The following NEO1 variants were observed in gnomAD, a reference collection of about 807,000 sequenced individuals.
NEO1 encodes the protein neogenin 1.
In NEO1, 63 loss-of-function variants were observed where a neutral mutation model predicts 159.7. That is an observed-to-expected ratio of 0.39 (90% confidence interval 0.32 to 0.49). The LOEUF (loss-of-function observed/expected upper bound fraction) is 0.49, where lower values mean the gene tolerates loss of function less well. Among genes scored for constraint, NEO1 ranks in the 20% least tolerant of loss-of-function variants. NEO1 has a pLI of 0.85. For missense variants in NEO1, 1,615 were observed against 1,831.0 expected, an observed-to-expected ratio of 0.88 and a Z score of 2.15; for synonymous variants, 633 against 662.0, an observed-to-expected ratio of 0.96 and a Z score of 0.67.
At chr15:73,214,076 G>T (rs1278832424) in intron 7 of NEO1, among the ~76,000 whole-genome samples, 1 of 152,102 alleles carries the variant, frequency 6.6e-6, no homozygotes, top group African/African-American at 2.4e-5. Flanking sequence ...TTTGAGAATT[G>T]TCTGTTCATA....
At chr15:73,149,092 G>A (rs891942270) in intron 5 of NEO1, among the ~76,000 whole-genome samples, 3 of 151,846 alleles carry the variant, frequency 2.0e-5, no homozygotes, top group African/African-American at 7.3e-5. Context: ...CGAGGCGAGT[G>A]GATCACGAGG....
intron 4 of NEO1, 147 bp from the exon 5 acceptor site, chr15:73,135,744 G>A: frequency 3.0e-6 from 2 of 668,406 alleles, no homozygotes; most frequent in African/African-American, 1.9e-5. Flanking sequence ...TTAAATTCTG[G>A]TAATTTTATA....
At chr15:73,185,322 T>C (rs1428500639) in intron 7 of NEO1, among the ~76,000 whole-genome samples, 2 of 152,184 alleles carry the variant, frequency 1.3e-5, no homozygotes, top group African/African-American at 4.8e-5. Context: ...TCAATTGTAA[T>C]AAATGTACCA....
intron 5 of NEO1, 41 bp from the exon 6 acceptor site, chr15:73,176,356 CCTAGTT>C: frequency 8.0e-7 from 1 of 1,251,098 alleles, no homozygotes; most frequent in Non-Finnish European, 1.1e-6. Context: ...TGAATAGCTG[CCTAGTT>C]CTATTTTCAT....
chr15:73,134,351 A>G (rs2031498857), intron 4 of NEO1, among the ~76,000 whole-genome samples: 1 of 152,188 alleles, frequency 6.6e-6, no homozygotes, highest in African/African-American at 2.4e-5. Context: ...TGGAGAAGTC[A>G]CCAAATCTGA....
chr15:73,079,427 T>C lies in NEO1; in HGVS notation c.130+26622T>C, dbSNP rs555895672. On this transcript the variant is annotated intron_variant, in intron 1 of 28. Coordinates refer to ENST00000261908, the MANE Select transcript of NEO1 (RefSeq NM_002499.4). ...CTGCGTTATAGTTGAAATGTAGGTA[T>C]GGTTGAAACGTAAATCTAGATCTTA... 3.3e-5 allele frequency among the ~76,000 whole-genome samples: 5 copies of C among 152,366 alleles called. No homozygotes were observed. In the South Asian group the frequency reaches 1.0e-3, roughly 32 times the overall value.
chr15:73,120,760 G>A lies in NEO1; in HGVS notation c.449-1765G>A, dbSNP rs201448840. Among the ~76,000 whole-genome samples, 29 of 152,042 alleles carry A rather than the reference G, an allele frequency of 1.9e-4. No individual in the cohort carries two copies. The East Asian group carries it at 5.6e-3, about 29-fold the overall frequency. ...CATGAAGTGGTGGTGTTGGGATTCAGATTCAGATATGTGACTTGAAAACTG... is the reference window on the plus strand; with the variant it reads ...CATGAAGTGGTGGTGTTGGGATTCAAATTCAGATATGTGACTTGAAAACTG... On this transcript the variant is annotated intron_variant, in intron 2 of 28. Coordinates refer to ENST00000261908, the MANE Select transcript of NEO1 (RefSeq NM_002499.4).
chr15:73,080,525 A>ATT (rs56246242), intron 1 of NEO1, among the ~76,000 whole-genome samples: 26 of 148,240 alleles, frequency 1.8e-4, no homozygotes, highest in East Asian at 7.9e-4. Context: ...ATTTTTTTCC[A>ATT]TTTTTTTTTT....
At chr15:73,181,071 T>G (rs1032311861) in intron 7 of NEO1, among the ~76,000 whole-genome samples, 1 of 152,194 alleles carries the variant, frequency 6.6e-6, no homozygotes, top group African/African-American at 2.4e-5. Flanking sequence ...TCTGTCTGTG[T>G]GATCAGGGAA....
intron 8 of NEO1, among the ~76,000 whole-genome samples, chr15:73,241,515 C>A (rs982542922): frequency 6.6e-6 from 1 of 152,028 alleles, no homozygotes; most frequent in African/African-American, 2.4e-5. Context: ...CTCATTTTTT[C>A]GTTTAATACA....
Position 73,295,222 on chromosome 15 carries a change from T to G in NEO1, c.3901+1674T>G, listed in dbSNP as rs577307078. 2.7e-5 allele frequency among the ~76,000 whole-genome samples: 4 copies of G among 150,766 alleles called. No individual in the cohort carries two copies. In the South Asian group the frequency reaches 8.5e-4, roughly 32 times the overall value. On this transcript the variant is annotated intron_variant, in intron 26 of 28. Coordinates refer to ENST00000261908, the MANE Select transcript of NEO1 (RefSeq NM_002499.4). ...CATTTAGGAAAGACGGTTTCCAAGA[T>G]GGACAGTTACTCCAGCCAGCTGCAT...
rs150609874 is a variant in NEO1, at chr15:73,098,017, T to C, written c.131-18523T>C. On this transcript the variant is annotated intron_variant, in intron 1 of 28. Transcript: ENST00000261908. ...TACTGATTTTTACATCTATAGTGTT[T>C]TTCTTCTACACCAAGAATATCATGT... is the stretch of plus-strand genomic sequence containing the variant. Among the ~76,000 whole-genome samples, 134 of 152,196 alleles carry C rather than the reference T, an allele frequency of 8.8e-4. 1 individual carries two copies. The highest frequency in any genetic ancestry group is 3.1e-3 in the African/African-American group (130 of 41,508).
chr15:73,284,807 C>T (rs1049716946), intron 23 of NEO1, among the ~76,000 whole-genome samples: 2 of 151,910 alleles, frequency 1.3e-5, no homozygotes. Flanking sequence ...AGGCTGGTCT[C>T]GAATTCCCGA....
At chr15:73,150,276 A>G (rs1478384624) in intron 5 of NEO1, among the ~76,000 whole-genome samples, 3 of 152,122 alleles carry the variant, frequency 2.0e-5, no homozygotes, top group Admixed American at 1.3e-4. Flanking sequence ...TAAAAGAACT[A>G]TTTTTCAGAA....
chr15:73,141,563 G>T (rs981209360), intron 5 of NEO1, among the ~76,000 whole-genome samples: 1 of 152,166 alleles, frequency 6.6e-6, no homozygotes, highest in African/African-American at 2.4e-5. Flanking sequence ...TTTTCCATTT[G>T]TATTTTTGTG....
intron 21 of NEO1, among the ~76,000 whole-genome samples, chr15:73,276,796 C>T (rs2041445985): frequency 6.6e-6 from 1 of 152,166 alleles, no homozygotes; most frequent in Admixed American, 6.5e-5. Flanking sequence ...TAATGTTTTG[C>T]AGAAACACCT....
At chr15:73,144,356 C>T (rs1020174712) in intron 5 of NEO1, among the ~76,000 whole-genome samples, 1 of 152,144 alleles carries the variant, frequency 6.6e-6, no homozygotes, top group Non-Finnish European at 1.5e-5. Context: ...GGTGAACTTT[C>T]CTCCACATGG....
chr15:73,161,384 A>G (rs959389799), intron 5 of NEO1, among the ~76,000 whole-genome samples: 13 of 152,220 alleles, frequency 8.5e-5, no homozygotes, highest in Non-Finnish European at 1.2e-4. Flanking sequence ...TGTCACTTCA[A>G]TCGTATGAGA....
chr15:73,233,742 C>T (rs1183664784), intron 7 of NEO1, among the ~76,000 whole-genome samples: 1 of 152,078 alleles, frequency 6.6e-6, no homozygotes, highest in Non-Finnish European at 1.5e-5. Context: ...CTCCCATCAC[C>T]TCGTCCTCCC....
Sources: allele counts gnomAD v4.1 joint callset (sites outside exome capture counted in the v4.1 genomes callset), GRCh38; gene constraint gnomAD v4.1.1; transcripts MANE v1.5; gene names NCBI Gene and HGNC (gene_info 2026-07-23, HGNC 2026-07-21).